Variants in BMPR2 observed in about 807,000 individuals in gnomAD.
BMPR2 encodes the protein bone morphogenetic protein receptor type-2.
Under a neutral mutation model 100.8 loss-of-function variants are expected in BMPR2, and 29 were observed. That is an observed-to-expected ratio of 0.29 (90% CI 0.21 to 0.39). BMPR2 has a LOEUF of 0.39. Ranked by LOEUF, BMPR2 falls within the 10% of genes least tolerant of loss-of-function variation. The pLI is 1.00. For missense variants in BMPR2, 1,011 were observed against 1,274.5 expected (o/e 0.79, Z 3.15); for synonymous variants, 382 against 442.3 (o/e 0.86, Z 1.71).
rs549281044 is a variant in BMPR2 at position 202,377,483 on chromosome 2, C to T, written c.9C>T (p.Ser3=). Residue 3 remains serine (S), a synonymous_variant, in exon 1 of 13, where the codon TCC becomes TCT. Transcript: ENST00000374580. MT[S]SLQRPWRVPW... ...TCTTGGCTGGCCCAGGGATGACTTC[C>T]TCGCTGCAGCGGCCCTGGCGGGTGC... 1.9e-6 allele frequency: 3 copies of T among 1,614,276 alleles called. No homozygotes were observed. The highest frequency in any genetic ancestry group is 2.7e-5 in the African/African-American group (2 of 75,080).
chr2:202,422,370 G>A (rs1200590103), intron 1 of BMPR2, among the ~76,000 whole-genome samples: 5 of 152,002 alleles, frequency 3.3e-5, no homozygotes, highest in Non-Finnish European at 5.9e-5. Context: ...GCAGTGGGGC[G>A]ATCTGGGCTC....
chr2:202,554,490 G>A (rs1442285073), intron 11 of BMPR2, among the ~76,000 whole-genome samples: 1 of 152,004 alleles, frequency 6.6e-6, no homozygotes, highest in Admixed American at 6.5e-5. Flanking sequence ...TACCCTCCAT[G>A]TCTCCTTAGC....
intron 1 of BMPR2, among the ~76,000 whole-genome samples, chr2:202,409,071 G>A (rs1474551253): frequency 2.0e-5 from 3 of 152,156 alleles, no homozygotes; most frequent in African/African-American, 4.8e-5. Flanking sequence ...GAGTCTGGGC[G>A]CAGTGGCTCA....
chr2:202,457,557 TATATAGAG>T (rs749754872), intron 1 of BMPR2, among the ~76,000 whole-genome samples: 280 of 100,792 alleles, frequency 2.8e-3, no homozygotes, highest in African/African-American at 8.2e-3. Context: ...TATATATATA[TATATAGAG>T]AGAGAGAGAG....
intron 1 of BMPR2, among the ~76,000 whole-genome samples, chr2:202,386,231 A>G (rs1017277713): frequency 2.0e-5 from 3 of 152,156 alleles, no homozygotes; most frequent in Non-Finnish European, 4.4e-5. Flanking sequence ...TTTCTATCTC[A>G]GACTTCTTTC....
At chr2:202,397,993 G>A (rs757364462) in intron 1 of BMPR2, among the ~76,000 whole-genome samples, 5 of 151,576 alleles carry the variant, frequency 3.3e-5, no homozygotes, top group Non-Finnish European at 7.4e-5. Flanking sequence ...ACGGTGGCAG[G>A]CACCTATAAT....
At chr2:202,558,403 C>T (rs1209863925) in intron 12 of BMPR2, among the ~76,000 whole-genome samples, 6 of 151,988 alleles carry the variant, frequency 3.9e-5, no homozygotes, top group Admixed American at 2.6e-4. Flanking sequence ...TGAACCACTG[C>T]GCCCAGCCTA....
chr2:202,495,563 C>T lies in BMPR2; in HGVS notation c.419-18156C>T, dbSNP rs903154519. On this transcript the variant is annotated intron_variant, in intron 3 of 12. Transcript: ENST00000374580. This position sits in a 1 kb window ranked among gnomAD's most constrained non-coding sequence, Gnocchi z 4.5. ...GCCCAGGATGGGGACATGGCGGGTCCGGGTGGTCTTGGAAATGCAACATTT... is the reference window on the plus strand; with the variant it reads ...GCCCAGGATGGGGACATGGCGGGTCTGGGTGGTCTTGGAAATGCAACATTT... 1.3e-5 allele frequency among the ~76,000 whole-genome samples: 2 copies of T among 151,992 alleles called. No homozygotes were observed. The highest frequency in any genetic ancestry group is 2.1e-4 in the South Asian group (1 of 4,812).
intron 5 of BMPR2, among the ~76,000 whole-genome samples, chr2:202,517,583 C>G (rs1430999227): frequency 1.3e-5 from 2 of 151,994 alleles, no homozygotes; most frequent in Admixed American, 6.5e-5. Flanking sequence ...AACTCCTGAC[C>G]TCGTGATCCA....
At chr2:202,459,252 T>G (rs1008604402) in intron 1 of BMPR2, among the ~76,000 whole-genome samples, 9 of 152,242 alleles carry the variant, frequency 5.9e-5, no homozygotes, top group Non-Finnish European at 1.2e-4. Context: ...TTGGCAAAAA[T>G]GATTTATCAA....
At chr2:202,431,826 T>C (rs1314878485) in intron 1 of BMPR2, among the ~76,000 whole-genome samples, 1 of 150,578 alleles carries the variant, frequency 6.6e-6, no homozygotes, top group African/African-American at 2.5e-5. Flanking sequence ...TTCTCAGAAC[T>C]TATTCCCATT....
In BMPR2 at chr2:202,563,012, C is replaced by G. The variant is rs898147181; in HGVS notation, c.*3066C>G. 6.6e-6 allele frequency: 1 copy of G among 152,158 alleles called. No individual in the cohort carries two copies. The highest frequency in any genetic ancestry group is 2.4e-5 in the African/African-American group (1 of 41,438). The allele number at this position is 152,158 out of a possible 1,614,324, so 9.4% of individuals were successfully genotyped here. ...GCTAAGAGAAGCTAAGTAATATGCC[C>G]AAGGTCCACATCTAGTAACAGACAA... On this transcript the variant is annotated 3_prime_UTR_variant, in exon 13 of 13. Coordinates refer to ENST00000374580, the MANE Select transcript of BMPR2 (RefSeq NM_001204.7).
At chr2:202,536,415 A>C (rs1240319335) in intron 9 of BMPR2, among the ~76,000 whole-genome samples, 1 of 152,072 alleles carries the variant, frequency 6.6e-6, no homozygotes, top group Non-Finnish European at 1.5e-5. Flanking sequence ...CACCAGGCCA[A>C]ACATTAGTTT....
chr2:202,547,344 T>C (rs923507318), intron 10 of BMPR2, among the ~76,000 whole-genome samples: 2 of 152,174 alleles, frequency 1.3e-5, no homozygotes, highest in African/African-American at 4.8e-5. Context: ...CTTTTCCAAA[T>C]GTTTATACTC....
chr2:202,545,446 T>C (rs1688358727), intron 10 of BMPR2, among the ~76,000 whole-genome samples: 1 of 152,080 alleles, frequency 6.6e-6, no homozygotes. Context: ...GTGTTGTTTT[T>C]ATGCTTTACA....
At position 202,532,582 on chromosome 2, in the gene BMPR2, C is replaced by T. The variant is rs748230358; in HGVS notation, c.1129-3C>T. On this transcript the variant is annotated splice_region_variant and splice_polypyrimidine_tract_variant and intron_variant, in intron 8 of 12. Coordinates refer to ENST00000374580, the MANE Select transcript of BMPR2 (RefSeq NM_001204.7). The surrounding 1 kb of genome is among the most constrained non-coding windows in gnomAD (Gnocchi z 4.1). ...TCTAAAAAATATCACTCTAATTTATCAGGTTGGCACTATCAGATATATGGC... is the reference window on the plus strand; with the variant it reads ...TCTAAAAAATATCACTCTAATTTATTAGGTTGGCACTATCAGATATATGGC... 12 of 1,613,728 alleles carry T rather than the reference C, an allele frequency of 7.4e-6. No homozygotes were observed. Among genetic ancestry groups the T allele is most frequent in the Non-Finnish European group, 1.0e-5 (12 of 1,179,774 alleles).
intron 1 of BMPR2, among the ~76,000 whole-genome samples, chr2:202,434,564 G>GA (rs1158059510): frequency 6.7e-6 from 1 of 149,934 alleles, no homozygotes; most frequent in African/African-American, 2.5e-5. Context: ...AGTTTCAATG[G>GA]AAAATCAATA....
At chr2:202,534,813 C>T (rs892834838) in intron 9 of BMPR2, among the ~76,000 whole-genome samples, 9 of 151,968 alleles carry the variant, frequency 5.9e-5, no homozygotes, top group African/African-American at 9.7e-5. Flanking sequence ...GGCAGAGAGG[C>T]TCCTCACCTC....
intron 1 of BMPR2, among the ~76,000 whole-genome samples, chr2:202,455,989 G>A (rs1366294510): frequency 4.9e-4 from 67 of 135,454 alleles, no homozygotes; most frequent in Middle Eastern, 4.2e-3. Flanking sequence ...GGTGTGAACC[G>A]GGGAGGCAGA....
Sources: gnomAD v4.1 joint callset for allele counts (sites outside exome capture counted in the v4.1 genomes callset) on GRCh38, gnomAD v4.1.1 for gene constraint, Gnocchi (gnomAD v3.1) non-coding constraint, MANE v1.5 for transcripts, NCBI Gene and HGNC (gene_info 2026-07-23, HGNC 2026-07-21) for gene names.